The following PRICKLE2 variants were observed in gnomAD, a reference collection of about 807,000 sequenced individuals.
PRICKLE2 encodes prickle planar cell polarity protein 2.
In PRICKLE2, 21 loss-of-function variants were observed where a neutral mutation model predicts 81.4. The observed-to-expected ratio is 0.26, with a 90% confidence interval of 0.18 to 0.37. The LOEUF (loss-of-function observed/expected upper bound fraction) is 0.37, where lower values mean the gene tolerates loss of function less well. Ranked by LOEUF, PRICKLE2 falls within the 10% of genes least tolerant of loss-of-function variation. The pLI, the probability that PRICKLE2 is intolerant of heterozygous loss-of-function variation, is 1.00. For synonymous variants in PRICKLE2, 456 were observed against 421.5 expected (o/e 1.08, Z -1.00); for missense variants, 940 against 1,109.0 (o/e 0.85, Z 2.16).
intron 1 of PRICKLE2, among the ~76,000 whole-genome samples, chr3:64,209,238 CCATT>C (rs1333861172): frequency 2.6e-5 from 4 of 151,986 alleles, no homozygotes; most frequent in South Asian, 2.1e-4. Context: ...ACCCATCTAT[CCATT>C]CATTCATACC....
intron 7 of PRICKLE2, among the ~76,000 whole-genome samples, chr3:64,112,105 A>G (rs559019190): frequency 1.3e-5 from 2 of 152,208 alleles, no homozygotes; most frequent in East Asian, 3.9e-4. Flanking sequence ...TTTTTATTTA[A>G]TCTCAAGGGT....
intron 2 of PRICKLE2, among the ~76,000 whole-genome samples, chr3:64,253,554 C>T (rs2079480513): frequency 6.6e-6 from 1 of 152,124 alleles, no homozygotes; most frequent in South Asian, 2.1e-4. Context: ...TGATGAATTG[C>T]TTTTTAAAGC....
chr3:64,261,479 T>C (rs1052825754), intron 2 of PRICKLE2, among the ~76,000 whole-genome samples: 6 of 152,004 alleles, frequency 3.9e-5, no homozygotes, highest in African/African-American at 1.5e-4. Context: ...AAATAAAATA[T>C]TTTGGATCTT....
chr3:64,161,888 C>T (rs2077741240), intron 3 of PRICKLE2, among the ~76,000 whole-genome samples: 1 of 152,066 alleles, frequency 6.6e-6, no homozygotes, highest in Non-Finnish European at 1.5e-5. Flanking sequence ...ATTAGTTAAC[C>T]AGGCATCAGG....
chr3:64,098,471 GAAAAAAAAAAAAA>G lies in PRICKLE2; in HGVS notation c.*567_*579del, dbSNP rs35195442. ...CACTGACATGTAACAAATTTGTATA[GAAAAAAAAAAAAA>G]AAAAAAAAAGGTGGTACCGGGCCAC... On this transcript the variant is annotated 3_prime_UTR_variant, in exon 8 of 8. Transcript: ENST00000638394. 1.3e-5 allele frequency: 1 copy of G among 79,408 alleles called. No homozygotes were observed. The highest frequency in any genetic ancestry group is 4.8e-5 in the African/African-American group (1 of 20,930). 4.9% of individuals were successfully genotyped at this position (79,408 alleles called of 1,614,324 possible). A position where few individuals can be genotyped will look rare whatever the true frequency, so the allele number is the denominator to read the frequency against.
At chr3:64,210,192 C>T (rs1160727479) in intron 1 of PRICKLE2, among the ~76,000 whole-genome samples, 1 of 152,062 alleles carries the variant, frequency 6.6e-6, no homozygotes, top group Non-Finnish European at 1.5e-5. Flanking sequence ...CCCGTTTCTC[C>T]TTGGAATTTC....
At chr3:64,230,160 T>A (rs549512697), upstream of PRICKLE2, among the ~76,000 whole-genome samples, 2 of 152,264 alleles carry the variant, frequency 1.3e-5, no homozygotes, top group Non-Finnish European at 2.9e-5. Context: ...TCTCATGACC[T>A]CACCCAGCTG....
rs1202014577 is a variant in PRICKLE2 at position 64,093,088 on chromosome 3, A to T, written c.*5963T>A. On this transcript the variant is annotated 3_prime_UTR_variant, in exon 8 of 8. Transcript: ENST00000638394. The stretch of plus-strand genomic sequence containing the variant: ...TCTACATTCTGTCTCTATGAATTTG[A>T]CTCTAGGTGCCTCAGATAAATGGAA... 1 of 161,984 alleles carries T rather than the reference A, an allele frequency of 6.2e-6. No homozygotes were observed. The highest frequency in any genetic ancestry group is 1.3e-5 in the Non-Finnish European group (1 of 75,544). The allele number at this position is 161,984 out of a possible 1,614,324, so 10.0% of individuals were successfully genotyped here.
intron 5 of PRICKLE2, chr3:64,153,745 T>C: frequency 3.8e-6 from 1 of 261,902 alleles, no homozygotes; most frequent in Non-Finnish European, 7.4e-6. Flanking sequence ...AATATCATAT[T>C]AACACTTGTA....
rs148316882 is a variant in PRICKLE2, at chr3:64,259,016, T to C, written c.129-60049A>G. Among the ~76,000 whole-genome samples, 7 of 152,198 alleles carry C rather than the reference T, an allele frequency of 4.6e-5. No homozygotes were observed. The East Asian group carries it at 1.4e-3, about 30-fold the overall frequency. ...GTATATTTAGCTTATGAAATTTCAT[T>C]CAGCTGAACACCTATGATAAGTTCA... On this transcript the variant is annotated intron_variant, in intron 2 of 8. Transcript: ENST00000295902.
intron 1 of PRICKLE2, among the ~76,000 whole-genome samples, chr3:64,217,831 A>T (rs571108960): frequency 3.9e-5 from 6 of 152,336 alleles, no homozygotes; most frequent in African/African-American, 1.4e-4. Flanking sequence ...CATACTAATC[A>T]TATGGTCAGG....
intron 2 of PRICKLE2, among the ~76,000 whole-genome samples, chr3:64,178,991 C>CT (rs1417738544): frequency 6.9e-6 from 1 of 144,646 alleles, no homozygotes; most frequent in African/African-American, 2.6e-5. Flanking sequence ...TTCTTTCTTT[C>CT]TTTCTTTCTT....
chr3:64,120,184 T>G (rs190169558), intron 7 of PRICKLE2, among the ~76,000 whole-genome samples: 1 of 152,290 alleles, frequency 6.6e-6, no homozygotes, highest in Admixed American at 6.5e-5. Flanking sequence ...AACCTGCACA[T>G]GTACCCCCTG....
chr3:64,160,561 G>A (rs551308817), intron 3 of PRICKLE2, among the ~76,000 whole-genome samples: 11 of 152,138 alleles, frequency 7.2e-5, no homozygotes, highest in East Asian at 1.9e-4. Context: ...CTGTTCTCCC[G>A]TCTCATTTTG....
At chr3:64,106,429 T>C (rs1194026034) in intron 7 of PRICKLE2, among the ~76,000 whole-genome samples, 1 of 152,202 alleles carries the variant, frequency 6.6e-6, no homozygotes, top group Non-Finnish European at 1.5e-5. Flanking sequence ...ACAGACTGTA[T>C]GACCTGCAAA....
intron 3 of PRICKLE2, among the ~76,000 whole-genome samples, chr3:64,160,850 C>T (rs2077721493): frequency 6.6e-6 from 1 of 152,192 alleles, no homozygotes; most frequent in South Asian, 2.1e-4. Context: ...TTACTCAATG[C>T]TGTTTTTAAT....
chr3:64,180,134 T>C (rs1247704379), intron 2 of PRICKLE2, among the ~76,000 whole-genome samples: 1 of 152,208 alleles, frequency 6.6e-6, no homozygotes, highest in Admixed American at 6.5e-5. Context: ...TATGTGCGTA[T>C]GTTATATAAT....
intron 4 of PRICKLE2, among the ~76,000 whole-genome samples, chr3:64,158,965 G>A (rs1377142426): frequency 1.3e-5 from 2 of 152,176 alleles, no homozygotes; most frequent in African/African-American, 2.4e-5. Flanking sequence ...AGCTTAAGGA[G>A]TTAGATAGGA....
intron 2 of PRICKLE2, among the ~76,000 whole-genome samples, chr3:64,253,371 T>C (rs1412370090): frequency 6.6e-6 from 1 of 152,192 alleles, no homozygotes; most frequent in Non-Finnish European, 1.5e-5. Flanking sequence ...AAGTACTAAA[T>C]TATGGGACCA....
Sources: gnomAD v4.1 joint callset for allele counts (sites outside exome capture counted in the v4.1 genomes callset) on GRCh38, gnomAD v4.1.1 for gene constraint, MANE v1.5 for transcripts, NCBI Gene and HGNC (gene_info 2026-07-23, HGNC 2026-07-21) for gene names.